The following NFIB variants were observed in gnomAD, a reference collection of about 807,000 sequenced individuals.
NFIB encodes nuclear factor 1 B-type.
In NFIB, 11 loss-of-function variants were observed where a neutral mutation model predicts 61.5. That is an observed-to-expected ratio of 0.18 (90% confidence interval 0.11 to 0.30). NFIB has a LOEUF of 0.30. NFIB is among the 10% of genes least tolerant of loss of function. The pLI, the probability that NFIB is intolerant of heterozygous loss-of-function variation, is 1.00. For synonymous variants in NFIB, 260 were observed against 216.5 expected, an observed-to-expected ratio of 1.20 and a Z score of -1.76; for missense variants, 471 against 608.9, an observed-to-expected ratio of 0.77 and a Z score of 2.38.
rs916333221 is a variant in NFIB at position 14,174,692 on chromosome 9, G to A, written c.616+5035C>T. 1.1e-4 allele frequency among the ~76,000 whole-genome samples: 16 copies of A among 151,184 alleles called. 1 individual carries two copies. The highest frequency in any genetic ancestry group is 2.6e-4 in the Admixed American group (4 of 15,182). ...TGAGGCAGGAGAATTGCTTGAACCC[G>A]GGAGGCAGAGGTTGCAGTGAGCCGA... On this transcript the variant is annotated intron_variant, in intron 3 of 10. Coordinates refer to ENST00000380953, the MANE Select transcript of NFIB (RefSeq NM_001190737.2).
intron 2 of NFIB, among the ~76,000 whole-genome samples, chr9:14,259,792 C>G (rs1041749188): frequency 6.6e-6 from 1 of 152,108 alleles, no homozygotes; most frequent in Non-Finnish European, 1.5e-5. Flanking sequence ...GTAATCCCAG[C>G]CACTCAGGAG....
the NFIB span, among the ~76,000 whole-genome samples, chr9:14,450,232 T>C: frequency 1.3e-5 from 2 of 152,090 alleles, no homozygotes; most frequent in Admixed American, 6.5e-5. Context: ...TGGTTTTCTG[T>C]CCTTGTGATA....
intron 2 of NFIB, among the ~76,000 whole-genome samples, chr9:14,223,867 G>C (rs1366377782): frequency 1.3e-5 from 2 of 152,178 alleles, no homozygotes; most frequent in East Asian, 1.9e-4. Context: ...GCAACGGTTT[G>C]TTTCCTTCTC....
chr9:14,284,490 C>T (rs555360084), intron 2 of NFIB, among the ~76,000 whole-genome samples: 61 of 152,182 alleles, frequency 4.0e-4, no homozygotes, highest in African/African-American at 1.4e-3. Flanking sequence ...GATTTACAAA[C>T]CTCATAAACT....
chr9:14,230,314 G>C (rs1050813442), intron 2 of NFIB, among the ~76,000 whole-genome samples: 3 of 152,156 alleles, frequency 2.0e-5, no homozygotes, highest in Non-Finnish European at 2.9e-5. Context: ...GTTCATCAGG[G>C]AAGGCAGAAC....
chr9:14,387,765 G>A (rs1032806599), intron 1 of NFIB, among the ~76,000 whole-genome samples: 2 of 152,182 alleles, frequency 1.3e-5, no homozygotes, highest in Non-Finnish European at 2.9e-5. Context: ...TTAATTAAGT[G>A]TGCTTACTCT....
At chr9:14,172,529 T>C (rs1321713377) in intron 3 of NFIB, among the ~76,000 whole-genome samples, 1 of 152,238 alleles carries the variant, frequency 6.6e-6, no homozygotes. Context: ...GATACATTTG[T>C]ACCTTTTCTC....
Position 14,113,316 on chromosome 9 carries a change from C to T in NFIB, c.1385-235G>A, listed in dbSNP as rs996185192. Reference sequence around the variant, plus strand: ...TCTATCCAGTAAAGCAGATCTCATACTTCAGTGTGGGTGTCTCACACTTAC... The same window carrying T: ...TCTATCCAGTAAAGCAGATCTCATATTTCAGTGTGGGTGTCTCACACTTAC... On this transcript the variant is annotated intron_variant, in intron 9 of 10. Coordinates refer to ENST00000380953, the MANE Select transcript of NFIB (RefSeq NM_001190737.2). Among the ~76,000 whole-genome samples, 3 of 152,214 alleles carry T rather than the reference C, an allele frequency of 2.0e-5. 1 individual carries two copies. Among genetic ancestry groups the T allele is most frequent in the Non-Finnish European group, 4.4e-5 (3 of 68,030 alleles).
chr9:14,179,581 C>T, intron 3 of NFIB, 146 bp downstream of exon 3: 1 of 681,358 alleles, frequency 1.5e-6, no homozygotes, highest in East Asian at 2.7e-5. Context: ...CTGCAAAGGG[C>T]CTAAGCACAA....
chr9:14,151,647 A>T (rs1423639464), intron 4 of NFIB, among the ~76,000 whole-genome samples: 3 of 152,146 alleles, frequency 2.0e-5, no homozygotes, highest in African/African-American at 7.2e-5. Context: ...TGAGTAAGAG[A>T]TTAGAGGGAG....
At chr9:14,308,826 A>C (rs938690952) in intron 1 of NFIB, among the ~76,000 whole-genome samples, 1 of 152,196 alleles carries the variant, frequency 6.6e-6, no homozygotes, top group African/African-American at 2.4e-5. Flanking sequence ...GGAGGGGATC[A>C]GTGAGGAATG....
chr9:14,142,314 G>A (rs2041824163), intron 6 of NFIB, among the ~76,000 whole-genome samples: 1 of 152,102 alleles, frequency 6.6e-6, no homozygotes, highest in Non-Finnish European at 1.5e-5. Flanking sequence ...GGAGTTCCCT[G>A]CACAAGCTCT....
At chr9:14,472,473 G>A in the NFIB span, among the ~76,000 whole-genome samples, 1 of 152,172 alleles carries the variant, frequency 6.6e-6, no homozygotes, top group East Asian at 1.9e-4. Flanking sequence ...ATTAAAATGT[G>A]TAAAACAAAA....
chr9:14,437,926 C>A, the NFIB span, among the ~76,000 whole-genome samples: 1 of 152,232 alleles, frequency 6.6e-6, no homozygotes, highest in South Asian at 2.1e-4. Context: ...TGGGAACCCC[C>A]CTGCAATGAA....
At chr9:14,488,797 G>T in the NFIB span, among the ~76,000 whole-genome samples, 1 of 152,184 alleles carries the variant, frequency 6.6e-6, no homozygotes, top group South Asian at 2.1e-4. Flanking sequence ...TACATGATTT[G>T]AGTGAATGTC....
chr9:14,526,260 A>G, the NFIB span, among the ~76,000 whole-genome samples: 1 of 152,208 alleles, frequency 6.6e-6, no homozygotes, highest in Non-Finnish European at 1.5e-5. Flanking sequence ...TTAATGTTAG[A>G]ACATTGAGAA....
intron 2 of NFIB, among the ~76,000 whole-genome samples, chr9:14,282,688 T>G (rs2058451230): frequency 6.6e-6 from 1 of 152,220 alleles, no homozygotes; most frequent in South Asian, 2.1e-4. Flanking sequence ...AGAGTAGTTG[T>G]CCTTTTTACA....
chr9:14,195,740 A>G (rs1337966354), intron 2 of NFIB, among the ~76,000 whole-genome samples: 1 of 152,160 alleles, frequency 6.6e-6, no homozygotes, highest in Non-Finnish European at 1.5e-5. Flanking sequence ...ACACTGTTCA[A>G]CTTTCTTTTC....
intron 6 of NFIB, among the ~76,000 whole-genome samples, chr9:14,133,178 A>C (rs2040603874): frequency 6.6e-6 from 1 of 152,162 alleles, no homozygotes; most frequent in East Asian, 1.9e-4. Flanking sequence ...AGACTTTCAT[A>C]GATTTTTTTT....
Sources: gnomAD v4.1 joint callset for allele counts (sites outside exome capture counted in the v4.1 genomes callset) on GRCh38, gnomAD v4.1.1 for gene constraint, MANE v1.5 for transcripts, NCBI Gene and HGNC (gene_info 2026-07-23, HGNC 2026-07-21) for gene names.